Variants in PTPRF observed in about 807,000 individuals in gnomAD.
PTPRF encodes receptor-type tyrosine-protein phosphatase F.
A neutral mutation model predicts 201.8 loss-of-function variants in PTPRF; 59 were observed. The ratio of observed to expected loss-of-function variants is 0.29; its 90% CI spans 0.24 to 0.36. The LOEUF is 0.36. Ranked by LOEUF, PTPRF falls within the 10% of genes least tolerant of loss-of-function variation. The pLI is 1.00. For synonymous variants in PTPRF, 1,088 were observed against 1,089.7 expected, an observed-to-expected ratio of 1.00 and a Z score of 0.03; for missense variants, 2,132 against 2,690.5, an observed-to-expected ratio of 0.79 and a Z score of 4.59.
At chr1:43,613,402 A>G (rs974141797) in intron 22 of PTPRF, 3 of 532,298 alleles carry the variant, frequency 5.6e-6, no homozygotes, top group African/African-American at 3.8e-5. Flanking sequence ...CCGCCACCAA[A>G]ACAGGCTCCA....
At chr1:43,522,295 A>C (rs1642977770), upstream of PTPRF, among the ~76,000 whole-genome samples, 1 of 152,214 alleles carries the variant, frequency 6.6e-6, no homozygotes, top group Non-Finnish European at 1.5e-5. Flanking sequence ...GAGCGGCGTC[A>C]GAAGGGTGAG....
chr1:43,597,206 C>T (rs1652514018), intron 11 of PTPRF, among the ~76,000 whole-genome samples: 1 of 151,614 alleles, frequency 6.6e-6, no homozygotes, highest in Admixed American at 6.6e-5. Flanking sequence ...TGTGTGAGAC[C>T]GTATGAGACA....
chr1:43,599,148 G>A (rs1014444633), intron 13 of PTPRF, among the ~76,000 whole-genome samples: 1 of 152,072 alleles, frequency 6.6e-6, no homozygotes, highest in African/African-American at 2.4e-5. Context: ...CACTCTTGTC[G>A]CCTAGGCTGG....
At chr1:43,569,827 G>C in intron 6 of PTPRF, 49 bp downstream of exon 6, 1 of 1,543,518 alleles carries the variant, frequency 6.5e-7, no homozygotes, top group Non-Finnish European at 8.8e-7. Context: ...CAGAACAAGC[G>C]TCTTGTCAGA....
intron 5 of PTPRF, among the ~76,000 whole-genome samples, chr1:43,558,483 A>G (rs1424529573): frequency 6.6e-6 from 1 of 152,042 alleles, no homozygotes; most frequent in Non-Finnish European, 1.5e-5. Flanking sequence ...CACCCCCGCC[A>G]GGACTGCATA....
At position 43,532,768 on chromosome 1, in the gene PTPRF, G is replaced by A. The variant is rs571460975; in HGVS notation, c.-126+1678G>A. Among the ~76,000 whole-genome samples, 56 of 152,206 alleles carry A rather than the reference G, an allele frequency of 3.7e-4. 1 individual carries two copies. Among genetic ancestry groups the A allele is most frequent in the Admixed American group, 9.2e-4 (14 of 15,298 alleles). ...ATGAATGAGCCTAGGGCTTCAAGAAGGAGCAGGTGTAACTCCCCAAGTACA... is the reference window on the plus strand; with the variant it reads ...ATGAATGAGCCTAGGGCTTCAAGAAAGAGCAGGTGTAACTCCCCAAGTACA... On this transcript the variant is annotated intron_variant, in intron 1 of 33. Coordinates refer to ENST00000359947, the MANE Select transcript of PTPRF (RefSeq NM_002840.5).
At position 43,613,469 on chromosome 1, in the gene PTPRF, G is replaced by A. The variant is rs540971026; in HGVS notation, c.3974-149G>A. The A allele has an allele frequency of 1.2e-4, 86 of 696,244 alleles. No individual in the cohort carries two copies. In the African/African-American group the frequency reaches 1.4e-3, roughly 11 times the overall value. The allele number at this position is 696,244 out of a possible 1,614,324, so 43.1% of individuals were successfully genotyped here. On this transcript the variant is annotated intron_variant, in intron 22 of 33. Coordinates refer to ENST00000359947, the MANE Select transcript of PTPRF (RefSeq NM_002840.5). ...TCTCCCACCCTCCGCCATCCCTGTC[G>A]CCGCATGTGCTGCTGTCTCCATGCC...
chr1:43,573,305 TGAG>T (rs1570150757), intron 6 of PTPRF, among the ~76,000 whole-genome samples: 1 of 152,252 alleles, frequency 6.6e-6, no homozygotes, highest in South Asian at 2.1e-4. Context: ...GGACAGGGCT[TGAG>T]GAGATTCCCG....
chr1:43,621,357 C>A, intron 33 of PTPRF, 125 bp downstream of exon 33: 1 of 1,300,038 alleles, frequency 7.7e-7, no homozygotes, highest in South Asian at 1.5e-5. Flanking sequence ...TTTCACGTGG[C>A]CTGCGATAGG....
chr1:43,619,256 C>T, intron 27 of PTPRF, 32 bp from the exon 28 acceptor site: 1 of 1,610,090 alleles, frequency 6.2e-7, no homozygotes, highest in Non-Finnish European at 8.5e-7. Flanking sequence ...GGTGGGGGCG[C>T]CTGTGCCTCA....
Position 43,604,886 on chromosome 1 carries a change from T to A in PTPRF, c.3038-17T>A, listed in dbSNP as rs2154025397. On this transcript the variant is annotated splice_polypyrimidine_tract_variant and intron_variant, in intron 16 of 33. Transcript: ENST00000359947. ...CTCATATACCCAGCAGAGCTGACTCTCTCTATGCCTTTGCAGTGTTTGCCA... is the reference window on the plus strand; with the variant it reads ...CTCATATACCCAGCAGAGCTGACTCACTCTATGCCTTTGCAGTGTTTGCCA... 1 of 1,611,440 alleles carries A rather than the reference T, an allele frequency of 6.2e-7. No homozygotes were observed. The highest frequency in any genetic ancestry group is 8.5e-7 in the Non-Finnish European group (1 of 1,178,324).
At position 43,603,999 on chromosome 1, in the gene PTPRF, C is replaced by G; in HGVS notation, c.2847C>G (p.Ile949Met). 2 of 1,614,238 alleles carry G rather than the reference C, an allele frequency of 1.2e-6. No individual in the cohort carries two copies. Among genetic ancestry groups the G allele is most frequent in the Non-Finnish European group, 1.7e-6 (2 of 1,180,050 alleles). ...TGGCGGAGAGGAACGGGCGCATCATCAGCTACACCGTGGTGTTCCGAGACA... is the reference window on the plus strand; with the variant it reads ...TGGCGGAGAGGAACGGGCGCATCATGAGCTACACCGTGGTGTTCCGAGACA... ...PVLAERNGRI[I>M]SYTVVFRDIN... Residue 949 changes from isoleucine to methionine, a missense_variant, in exon 16 of 34, where the codon ATC (isoleucine) becomes ATG (methionine). Ile to Met is a conservative substitution (Grantham distance 10). This residue lies in a region of PTPRF where 818 missense variants were observed against 915.3 expected (regional missense o/e 0.89). Transcript: ENST00000359947. This position sits in a 1 kb window ranked among gnomAD's most constrained non-coding sequence, Gnocchi z 5.8.
chr1:43,533,393 C>T (rs188319666), intron 1 of PTPRF, among the ~76,000 whole-genome samples: 148 of 151,424 alleles, frequency 9.8e-4, no homozygotes, highest in African/African-American at 3.6e-3. Flanking sequence ...TATGGATACG[C>T]AGCAAAATAC....
At position 43,619,544 on chromosome 1, in the gene PTPRF, A is replaced by C. The variant is rs1557876101; in HGVS notation, c.4903A>C (p.Ser1635Arg). 6.2e-7 allele frequency: 1 copy of C among 1,613,292 alleles called. No individual in the cohort carries two copies. Among genetic ancestry groups the C allele is most frequent in the South Asian group, 1.1e-5 (1 of 91,066 alleles). ...QKLGQVPPGE[S>R]VTAMELEFKL... Reference sequence around the variant, plus strand: ...GCTGGGCCAAGTGCCTCCAGGGGAGAGTGTGACCGCCATGGAGCTCGAGTT... The same window carrying C: ...GCTGGGCCAAGTGCCTCCAGGGGAGCGTGTGACCGCCATGGAGCTCGAGTT... The change falls in exon 28 of 34, where the codon AGT (serine) becomes CGT (arginine). Residue 1635 changes from serine to arginine, a missense_variant. Ser to Arg is a moderately radical substitution (Grantham distance 110). Transcript: ENST00000359947.
At chr1:43,543,276 C>G (rs1570940629) in intron 2 of PTPRF, among the ~76,000 whole-genome samples, 1 of 152,358 alleles carries the variant, frequency 6.6e-6, no homozygotes, top group African/African-American at 2.4e-5. Flanking sequence ...AGCGCAAGCT[C>G]AGGCAGGGCC....
In PTPRF at chr1:43,617,874, C is replaced by T; in HGVS notation, c.4334C>T (p.Thr1445Ile). The change falls in exon 25 of 34, where the codon ACT (threonine) becomes ATT (isoleucine). Residue 1445 changes from threonine (T) to isoleucine (I), a missense_variant. By Grantham distance (89) the Thr-to-Ile change is moderately conservative. This residue lies in a region of PTPRF where 519 missense variants were observed against 659.5 expected (regional missense o/e 0.79). Coordinates refer to ENST00000359947, the MANE Select transcript of PTPRF (RefSeq NM_002840.5). ...ATGGTGTGGGAACAGCGCACGGCCA[C>T]TGTGGTCATGATGACACGGCTGGAG... ...WRMVWEQRTATVVMMTRLEEK... is the reference protein window; with the variant it reads ...WRMVWEQRTAIVVMMTRLEEK... 1 of 1,613,450 alleles carries T rather than the reference C, an allele frequency of 6.2e-7. No homozygotes were observed. The highest frequency in any genetic ancestry group is 8.5e-7 in the Non-Finnish European group (1 of 1,179,586).
intron 3 of PTPRF, among the ~76,000 whole-genome samples, chr1:43,551,709 A>AG: frequency 6.6e-6 from 1 of 152,042 alleles, no homozygotes; most frequent in South Asian, 2.1e-4. Context: ...TAATAATACT[A>AG]CCTACCTTAT....
At chr1:43,596,394 C>CA (rs1652268339) in intron 11 of PTPRF, among the ~76,000 whole-genome samples, 1 of 151,864 alleles carries the variant, frequency 6.6e-6, no homozygotes, top group African/African-American at 2.4e-5. Context: ...CTGCTGAAGT[C>CA]CCCATGGCAG....
intron 14 of PTPRF, among the ~76,000 whole-genome samples, chr1:43,602,319 G>A (rs150555121): frequency 4.3e-4 from 66 of 152,378 alleles, no homozygotes; most frequent in Admixed American, 1.1e-3. Flanking sequence ...TTTGAGGCCA[G>A]TGTTCATGAT....
Sources: allele counts gnomAD v4.1 joint callset (sites outside exome capture counted in the v4.1 genomes callset), GRCh38; gene constraint gnomAD v4.1.1; regional missense constraint gnomAD v4.1.1; non-coding constraint Gnocchi (gnomAD v3.1); transcripts MANE v1.5; gene names NCBI Gene and HGNC (gene_info 2026-07-23, HGNC 2026-07-21).